The following EZH1 variants were observed in gnomAD, a reference collection of about 807,000 sequenced individuals.
The protein encoded by EZH1 is enhancer of zeste 1 polycomb repressive complex 2 subunit.
EZH1 carries 33 observed loss-of-function variants against 100.5 expected under a neutral mutation model. The ratio of observed to expected loss-of-function variants is 0.33; its 90% confidence interval spans 0.25 to 0.44. The LOEUF (loss-of-function observed/expected upper bound fraction) is 0.44, where lower values mean the gene tolerates loss of function less well. EZH1 is among the 20% of genes least tolerant of loss of function. The pLI is 1.00. For synonymous variants in EZH1, 272 were observed against 313.8 expected (o/e 0.87, Z 1.41); for missense variants, 475 against 928.4 (o/e 0.51, Z 6.35).
Position 42,702,611 on chromosome 17 carries a change from G to A in EZH1, c.2184-19C>T, listed in dbSNP as rs1277168443. 2 of 1,560,716 alleles carry A rather than the reference G, an allele frequency of 1.3e-6. No individual in the cohort carries two copies. The highest frequency in any genetic ancestry group is 1.7e-6 in the Non-Finnish European group (2 of 1,149,920). On this transcript the variant is annotated intron_variant, in intron 20 of 20. Transcript: ENST00000428826. ...GCTGTACCTGTCCCAGAGCAGGGAA[G>A]AGGAACCAGGTTACTCTCATGACTT...
At chr17:42,716,804 T>G (rs1597838386) in intron 10 of EZH1, among the ~76,000 whole-genome samples, 1 of 152,128 alleles carries the variant, frequency 6.6e-6, no homozygotes, top group Admixed American at 6.5e-5. Flanking sequence ...GTTCAAGCAA[T>G]TCTCCTGTCT....
chr17:42,727,332 A>AGC (rs1196564348), intron 4 of EZH1, among the ~76,000 whole-genome samples: 3 of 152,056 alleles, frequency 2.0e-5, no homozygotes, highest in African/African-American at 7.3e-5. Context: ...AGTTTATTTC[A>AGC]GCCTTGAACT....
At position 42,702,389 on chromosome 17, in the gene EZH1, G is replaced by A; in HGVS notation, c.*143C>T. 1.5e-6 allele frequency: 1 copy of A among 650,666 alleles called. No individual in the cohort carries two copies. Among genetic ancestry groups the A allele is most frequent in the Non-Finnish European group, 2.6e-6 (1 of 381,208 alleles). The allele number at this position is 650,666 out of a possible 1,614,324, so 40.3% of individuals were successfully genotyped here. ...GACAGTTTTGTGCCCTCTGGACATG[G>A]CAGAGGCCTCACTACAGAGGGAGTG... is the stretch of plus-strand genomic sequence containing the variant. On this transcript the variant is annotated 3_prime_UTR_variant, in exon 21 of 21. Transcript: ENST00000428826.
Position 42,718,764 on chromosome 17 carries a change from T to C in EZH1, c.768-147A>G, listed in dbSNP as rs968313560. The C allele has an allele frequency of 2.9e-5, 22 of 756,580 alleles. No homozygotes were observed. The highest frequency in any genetic ancestry group is 3.3e-4 in the Middle Eastern group (1 of 3,040). The allele number at this position is 756,580 out of a possible 1,614,324, so 46.9% of individuals were successfully genotyped here. On this transcript the variant is annotated intron_variant, in intron 8 of 20. Transcript: ENST00000428826. The surrounding 1 kb of genome is among the most constrained non-coding windows in gnomAD (Gnocchi z 4.2). ...GTCTGGTTGATAAGAGAATGGTAGA[T>C]AACTAGAGTGGGTCCACCATTGTAA...
chr17:42,707,082 C>T (rs973117921), intron 15 of EZH1, among the ~76,000 whole-genome samples: 8 of 152,066 alleles, frequency 5.3e-5, no homozygotes, highest in African/African-American at 7.2e-5. Context: ...GATAAGTACC[C>T]GGATGTCTCT....
intron 10 of EZH1, among the ~76,000 whole-genome samples, chr17:42,713,995 T>G (rs1438623082): frequency 6.6e-6 from 1 of 152,216 alleles, no homozygotes; most frequent in Non-Finnish European, 1.5e-5. Flanking sequence ...CACTATTCTT[T>G]CCAGTCTACC....
intron 10 of EZH1, among the ~76,000 whole-genome samples, chr17:42,715,749 G>A (rs560237855): frequency 1.7e-3 from 260 of 152,060 alleles, no homozygotes; most frequent in African/African-American, 5.9e-3. Context: ...GATTAAAAAC[G>A]AGTAAAAAGA....
intron 12 of EZH1, among the ~76,000 whole-genome samples, chr17:42,710,782 CTTTTTT>C (rs5820471): frequency 1.9e-5 from 2 of 107,574 alleles, no homozygotes; most frequent in South Asian, 2.9e-4. Context: ...AGGTACGTGG[CTTTTTT>C]TTTTTTTTTT....
chr17:42,712,565 C>T, intron 11 of EZH1, 80 bp from the exon 12 acceptor site: 1 of 1,299,506 alleles, frequency 7.7e-7, no homozygotes, highest in Non-Finnish European at 1.1e-6. Flanking sequence ...CTCAGAAGTA[C>T]TTCATTCTAC....
rs1231874241 is a variant in EZH1 at position 42,738,754 on chromosome 17, G to GAT, written c.-103+6255_-103+6256dup. On this transcript the variant is annotated intron_variant, in intron 1 of 20. Coordinates refer to ENST00000428826, the MANE Select transcript of EZH1 (RefSeq NM_001991.5). Reference sequence around the variant, plus strand: ...GGCGTAAGCCACCGGGCCTGGCCTAGATTTTTTTTTTTTTTTTTTTTTTGA... The same window carrying GAT: ...GGCGTAAGCCACCGGGCCTGGCCTAGATATTTTTTTTTTTTTTTTTTTTTTGA... Among the ~76,000 whole-genome samples the GAT allele has an allele frequency of 1.7e-5, 2 of 117,948 alleles. 1 individual carries two copies. The highest frequency in any genetic ancestry group is 7.5e-5 in the African/African-American group (2 of 26,836). The allele number at this position is 117,948 out of a possible 152,430, so 77.4% of individuals were successfully genotyped here. A position where few individuals can be genotyped will look rare whatever the true frequency, so the allele number is the denominator to read the frequency against.
At position 42,724,384 on chromosome 17, in the gene EZH1, T is replaced by G; in HGVS notation, c.287A>C (p.His96Pro). 6.2e-7 allele frequency: 1 copy of G among 1,614,112 alleles called. No individual in the cohort carries two copies. Among genetic ancestry groups the G allele is most frequent in the Non-Finnish European group, 8.5e-7 (1 of 1,179,986 alleles). Reference protein sequence around the residue: ...ESIFPGFASQHMLMRSLNTVA... With the variant: ...ESIFPGFASQPMLMRSLNTVA... ...TGTGTTCAGTGACCTCATTAACATA[T>G]GTTGGCTTGCAAATCCCGGGAAAAT... is the stretch of plus-strand genomic sequence containing the variant. Residue 96 changes from histidine (H) to proline (P), a missense_variant, in exon 5 of 21, where the codon CAT becomes CCT. His to Pro is a moderately conservative substitution (Grantham distance 77, BLOSUM62 -2). Coordinates refer to ENST00000428826, the MANE Select transcript of EZH1 (RefSeq NM_001991.5).
chr17:42,716,373 A>C (rs1331201567), intron 10 of EZH1, among the ~76,000 whole-genome samples: 2 of 152,230 alleles, frequency 1.3e-5, no homozygotes, highest in Non-Finnish European at 1.5e-5. Context: ...AGATACAGAA[A>C]AAAATGTTAT....
At chr17:42,709,818 A>G (rs1211985211) in intron 13 of EZH1, 28 bp downstream of exon 13, 11 of 1,611,138 alleles carry the variant, frequency 6.8e-6, no homozygotes, top group Non-Finnish European at 8.5e-6. Flanking sequence ...TGGCTGTAAA[A>G]CAAAACACTT....
In EZH1 at chr17:42,718,683, G is replaced by A. The variant is rs987383540; in HGVS notation, c.768-66C>T. ...GCCTCCACTGAGGAAATACAGATTG[G>A]GTACTGACAGTAGCTCACCTACGGT... On this transcript the variant is annotated intron_variant, in intron 8 of 20. Transcript: ENST00000428826. The surrounding 1 kb of genome is among the most constrained non-coding windows in gnomAD (Gnocchi z 4.2). 2.9e-5 allele frequency: 45 copies of A among 1,558,856 alleles called. No homozygotes were observed. The highest frequency in any genetic ancestry group is 3.7e-5 in the Non-Finnish European group (42 of 1,138,516).
intron 17 of EZH1, 48 bp downstream of exon 17, chr17:42,705,040 C>T (rs915927408): frequency 6.9e-7 from 1 of 1,457,178 alleles, no homozygotes; most frequent in Non-Finnish European, 9.6e-7. Flanking sequence ...CAGAGTTTCT[C>T]ATCAGTCTCC....
chr17:42,701,155 C>G lies in EZH1; in HGVS notation c.*1377G>C, dbSNP rs1431161363. 1.3e-5 allele frequency: 2 copies of G among 152,772 alleles called. No individual in the cohort carries two copies. Among genetic ancestry groups the G allele is most frequent in the Admixed American group, 6.5e-5 (1 of 15,286 alleles). The allele number at this position is 152,772 out of a possible 1,614,324, so 9.5% of individuals were successfully genotyped here. On this transcript the variant is annotated 3_prime_UTR_variant, in exon 21 of 21. Coordinates refer to ENST00000428826, the MANE Select transcript of EZH1 (RefSeq NM_001991.5). ...ATTCTTCTGTGTGAAACTCACTCGT[C>G]TGCCTCTCCCAGGAGATGAGACAGG... is the stretch of plus-strand genomic sequence containing the variant.
intron 1 of EZH1, among the ~76,000 whole-genome samples, chr17:42,734,666 CA>C (rs61706510): frequency 0.14 from 9,735 of 70,014 alleles, 1,073 homozygotes; most frequent in African/African-American, 0.34. Context: ...GAGGCCTTGT[CA>C]AAAAAAAAAA....
In EZH1 at chr17:42,727,675, T is replaced by G; in HGVS notation, c.206A>C (p.Gln69Pro). 1 of 1,612,456 alleles carries G rather than the reference T, an allele frequency of 6.2e-7. No individual in the cohort carries two copies. The highest frequency in any genetic ancestry group is 8.5e-7 in the Non-Finnish European group (1 of 1,179,452). Residue 69 changes from glutamine (Q) to proline (P), a missense_variant, in exon 4 of 21, where the codon CAG (glutamine) becomes CCG (proline). Coordinates refer to ENST00000428826, the MANE Select transcript of EZH1 (RefSeq NM_001991.5). Reference protein sequence around the residue: ...EWKKLRVQPVQSMKPVSGHPF... With the variant: ...EWKKLRVQPVPSMKPVSGHPF... ...GTGTCCACTCACAGGCTTCATTGAC[T>G]GAACAGGTTGGACACGAAGCTTCTT...
At chr17:42,724,218 C>T (rs2053772780) in intron 5 of EZH1, 87 bp downstream of exon 5, 2 of 1,514,530 alleles carry the variant, frequency 1.3e-6, no homozygotes, top group East Asian at 4.6e-5. Flanking sequence ...AATTACTGGA[C>T]AATCTTTACC....
Sources: allele counts gnomAD v4.1 joint callset (sites outside exome capture counted in the v4.1 genomes callset), GRCh38; gene constraint gnomAD v4.1.1; non-coding constraint Gnocchi (gnomAD v3.1); transcripts MANE v1.5; gene names NCBI Gene and HGNC (gene_info 2026-07-23, HGNC 2026-07-21).